Variants in ATF3 observed in about 807,000 individuals in gnomAD.
ATF3 encodes activating transcription factor 3.
Under a neutral mutation model 18.4 loss-of-function variants are expected in ATF3, and 10 were observed. The observed-to-expected ratio is 0.54, with a 90% CI of 0.34 to 0.92. The LOEUF is 0.92. Ranked by LOEUF, ATF3 falls within the 40% of genes least tolerant of loss-of-function variation. The probability of loss-of-function intolerance (pLI) is 0.02; values close to 1 mark genes in which losing one functional copy is unlikely to be tolerated. For synonymous variants in ATF3, 78 were observed against 87.9 expected (o/e 0.89, Z 0.63); for missense variants, 183 against 222.3 (o/e 0.82, Z 1.12).
intron 1 of ATF3, among the ~76,000 whole-genome samples, chr1:212,602,061 T>A (rs1654497117): frequency 6.6e-6 from 1 of 152,122 alleles, no homozygotes; most frequent in South Asian, 2.1e-4. Flanking sequence ...AAACAGACAT[T>A]ATCCTCATTT....
At position 212,591,285 on chromosome 1, in the gene ATF3, C is replaced by T. The variant is rs1250682654; in HGVS notation, c.-4-23733C>T. Among the ~76,000 whole-genome samples the T allele has an allele frequency of 7.2e-5, 11 of 152,328 alleles. No individual in the cohort carries two copies. The East Asian group carries it at 1.7e-3, about 24-fold the overall frequency. On this transcript the variant is annotated intron_variant, in intron 1 of 3. Transcript: ENST00000366981. The stretch of plus-strand genomic sequence containing the variant: ...ACAGAGAGGTCCTCTCCTGACTGTT[C>T]TTGCCAGCCTGTGACATTCTGTTCC...
intron 2 of ATF3, among the ~76,000 whole-genome samples, chr1:212,615,825 C>T (rs1167902448): frequency 6.9e-6 from 1 of 145,802 alleles, no homozygotes; most frequent in African/African-American, 2.5e-5. Flanking sequence ...AGTGTTGCTC[C>T]ATCACCCAGG....
chr1:212,591,226 G>A (rs1414276945), intron 1 of ATF3, among the ~76,000 whole-genome samples: 1 of 152,168 alleles, frequency 6.6e-6, no homozygotes, highest in Non-Finnish European at 1.5e-5. Context: ...TCCTAACGGA[G>A]CCTCCTGCAC....
chr1:212,603,082 CTT>C (rs1243086797), intron 1 of ATF3, among the ~76,000 whole-genome samples: 1 of 152,120 alleles, frequency 6.6e-6, no homozygotes, highest in Non-Finnish European at 1.5e-5. Flanking sequence ...GCTATGGTGT[CTT>C]TTAGTTCTGA....
intron 1 of ATF3, among the ~76,000 whole-genome samples, chr1:212,571,712 TA>T (rs1406108397): frequency 5.2e-5 from 6 of 116,422 alleles, no homozygotes; most frequent in South Asian, 2.8e-4. Flanking sequence ...GCCCAGCCAA[TA>T]CTTTTTTTTT....
intron 1 of ATF3, among the ~76,000 whole-genome samples, chr1:212,582,604 C>G (rs911261903): frequency 6.6e-5 from 10 of 152,180 alleles, no homozygotes; most frequent in African/African-American, 2.4e-4. Context: ...GGGCTTCCGT[C>G]CCCTGCACTG....
chr1:212,614,924 T>C, intron 1 of ATF3, 94 bp from the exon 2 acceptor site: 2 of 1,608,114 alleles, frequency 1.2e-6, no homozygotes, highest in Middle Eastern at 3.4e-4. Context: ...TCTCTGAGGG[T>C]GGGGCTCTGG....
intron 1 of ATF3, chr1:212,614,005 G>A (rs1654997737): frequency 6.6e-6 from 1 of 152,160 alleles, no homozygotes; most frequent in Admixed American, 6.5e-5. Flanking sequence ...GACCGTGGGG[G>A]CCATTTGATT....
intron 1 of ATF3, among the ~76,000 whole-genome samples, chr1:212,590,875 C>T (rs1014187493): frequency 1.1e-4 from 16 of 152,098 alleles, no homozygotes; most frequent in Admixed American, 2.0e-4. Flanking sequence ...AAGGTAAGGG[C>T]GCCAACCACT....
At chr1:212,597,304 A>T (rs936634052) in intron 1 of ATF3, among the ~76,000 whole-genome samples, 2 of 152,194 alleles carry the variant, frequency 1.3e-5, no homozygotes, top group Non-Finnish European at 2.9e-5. Flanking sequence ...TCGACTGTAG[A>T]CACAGCGCTT....
intron 1 of ATF3, among the ~76,000 whole-genome samples, chr1:212,586,034 C>T (rs1664773576): frequency 6.6e-6 from 1 of 152,162 alleles, no homozygotes; most frequent in Admixed American, 6.5e-5. Context: ...GTCCTCCAGC[C>T]CCTCTCAACC....
intron 1 of ATF3, among the ~76,000 whole-genome samples, chr1:212,612,072 G>T (rs11571530): frequency 0.042 from 6,401 of 152,234 alleles, 475 homozygotes; most frequent in Admixed American, 0.21. Flanking sequence ...CTGAGTAAAG[G>T]AATAACTAGA....
intron 1 of ATF3, among the ~76,000 whole-genome samples, chr1:212,577,303 A>T (rs777005309): frequency 6.6e-6 from 1 of 152,162 alleles, no homozygotes; most frequent in Non-Finnish European, 1.5e-5. Flanking sequence ...AAAATGATAT[A>T]TATTTATAGT....
At chr1:212,607,085 CAA>C (rs1654651477), upstream of ATF3, among the ~76,000 whole-genome samples, 2 of 152,250 alleles carry the variant, frequency 1.3e-5, no homozygotes, top group Admixed American at 6.5e-5. Context: ...CGCCGGGGCG[CAA>C]AGACTTCCGA....
intron 1 of ATF3, among the ~76,000 whole-genome samples, chr1:212,572,752 C>T (rs1664508169): frequency 6.6e-6 from 1 of 152,138 alleles, no homozygotes; most frequent in African/African-American, 2.4e-5. Flanking sequence ...ACGGGTCCTT[C>T]GCATTCTCAT....
At chr1:212,612,659 C>T (rs1165261488) in intron 1 of ATF3, among the ~76,000 whole-genome samples, 1 of 152,242 alleles carries the variant, frequency 6.6e-6, no homozygotes, top group African/African-American at 2.4e-5. Flanking sequence ...TGACTCATGA[C>T]ACAGGGCTTT....
chr1:212,585,442 C>T (rs1451555427), intron 1 of ATF3, among the ~76,000 whole-genome samples: 1 of 152,210 alleles, frequency 6.6e-6, no homozygotes, highest in Admixed American at 6.5e-5. Context: ...ATGGCTGGCA[C>T]CTTCTCCTTC....
chr1:212,616,203 GC>G lies in ATF3; in HGVS notation c.240+943del, dbSNP rs1655116330. ...TCTTACAGATTATTATTGTATAGAT[GC>G]AGCCCTGGGCTCAAAGTGAGGTGGG... On this transcript the variant is annotated intron_variant, in intron 2 of 3. Transcript: ENST00000341491. Among the ~76,000 whole-genome samples, 3 of 152,084 alleles carry G rather than the reference GC, an allele frequency of 2.0e-5. No homozygotes were observed. In the South Asian group the frequency reaches 6.2e-4, roughly 32 times the overall value.
intron 1 of ATF3, among the ~76,000 whole-genome samples, chr1:212,585,915 C>T (rs1664771395): frequency 6.6e-6 from 1 of 151,992 alleles, no homozygotes; most frequent in Non-Finnish European, 1.5e-5. Flanking sequence ...TGTGAGGTTC[C>T]CCGGGCCTTT....
Sources: allele counts gnomAD v4.1 joint callset (sites outside exome capture counted in the v4.1 genomes callset), GRCh38; gene constraint gnomAD v4.1.1; transcripts MANE v1.5; gene names NCBI Gene and HGNC (gene_info 2026-07-23, HGNC 2026-07-21).